The following VLDLR variants were observed in gnomAD, a reference collection of about 807,000 sequenced individuals.
The protein encoded by VLDLR is very low-density lipoprotein receptor.
Under a neutral mutation model 112.7 loss-of-function variants are expected in VLDLR, and 81 were observed. The ratio of observed to expected loss-of-function variants is 0.72; its 90% CI spans 0.60 to 0.86. The LOEUF is 0.86. Ranked by LOEUF, VLDLR falls within the 40% of genes least tolerant of loss-of-function variation. VLDLR has a pLI of 0.00. For missense variants in VLDLR, 1,237 were observed against 1,099.4 expected, an observed-to-expected ratio of 1.13 and a Z score of -1.77; for synonymous variants, 436 against 384.8, an observed-to-expected ratio of 1.13 and a Z score of -1.56.
chr9:2,648,152 A>G (rs1428468178), intron 12 of VLDLR, 56 bp from the exon 13 acceptor site: 74 of 1,607,946 alleles, frequency 4.6e-5, no homozygotes, highest in Non-Finnish European at 6.0e-5. Context: ...GATATTTTTA[A>G]TGGAAGCCAG....
intron 1 of VLDLR, among the ~76,000 whole-genome samples, chr9:2,624,923 T>C (rs1057340619): frequency 6.6e-6 from 1 of 152,226 alleles, no homozygotes; most frequent in African/African-American, 2.4e-5. Context: ...TTATGTGGCA[T>C]TTACCTATAG....
chr9:2,644,310 C>A (rs561921361), intron 7 of VLDLR, among the ~76,000 whole-genome samples: 1 of 147,922 alleles, frequency 6.8e-6, no homozygotes, highest in Non-Finnish European at 1.5e-5. Context: ...AGGCGCCCAC[C>A]ACCACGCCCG....
intron 4 of VLDLR, among the ~76,000 whole-genome samples, chr9:2,642,913 CAAATT>C (rs1817888075): frequency 1.3e-5 from 2 of 152,206 alleles, no homozygotes; most frequent in Non-Finnish European, 2.9e-5. Flanking sequence ...GTTCTCATCT[CAAATT>C]AATTTCCAGT....
At position 2,637,950 on chromosome 9, in the gene VLDLR, T is replaced by A. The variant is rs555095281; in HGVS notation, c.203-1909T>A. On this transcript the variant is annotated intron_variant, in intron 2 of 18. Coordinates refer to ENST00000382100, the MANE Select transcript of VLDLR (RefSeq NM_003383.5). ...AGAGCGAGACTCCATCTCAAAAAAA[T>A]AAATAAAAATAAATAAAAAATCAAT... is the stretch of plus-strand genomic sequence containing the variant. Among the ~76,000 whole-genome samples the A allele has an allele frequency of 2.7e-3, 384 of 144,680 alleles. 2 individuals carry two copies. Among genetic ancestry groups the A allele is most frequent in the African/African-American group, 0.01 (350 of 34,752 alleles). The allele number at this position is 144,680 out of a possible 152,430, so 94.9% of individuals were successfully genotyped here. A position where few individuals can be genotyped will look rare whatever the true frequency, so the allele number is the denominator to read the frequency against.
In VLDLR at chr9:2,657,567, T is replaced by TAA. The variant is rs1458654763; in HGVS notation, c.*3700_*3701dup. 4 of 152,250 alleles carry TAA rather than the reference T, an allele frequency of 2.6e-5. No homozygotes were observed. In the East Asian group the frequency reaches 5.8e-4, roughly 22 times the overall value. 9.4% of individuals were successfully genotyped at this position (152,250 alleles called of 1,614,324 possible). On this transcript the variant is annotated 3_prime_UTR_variant, in exon 19 of 19. Transcript: ENST00000382100. ...GCGGTGCCTAAAAACCACATATATA[T>TAA]AATCCCCTGGGTATTACATATTCTG...
At chr9:2,642,370 A>T (rs1372928242) in intron 4 of VLDLR, among the ~76,000 whole-genome samples, 1 of 152,174 alleles carries the variant, frequency 6.6e-6, no homozygotes, top group African/African-American at 2.4e-5. Flanking sequence ...ATACCACTGC[A>T]CCTAGTCCAA....
At chr9:2,633,996 A>T (rs1423331028) in intron 1 of VLDLR, among the ~76,000 whole-genome samples, 2 of 152,188 alleles carry the variant, frequency 1.3e-5, no homozygotes, top group African/African-American at 4.8e-5. Context: ...AACGTGAAGA[A>T]TGAAAAAGTA....
chr9:2,629,089 G>A (rs1034405726), intron 1 of VLDLR, among the ~76,000 whole-genome samples: 1 of 152,220 alleles, frequency 6.6e-6, no homozygotes. Context: ...TGTCAACATT[G>A]ACTCATTAGA....
rs749428654 is a variant in VLDLR at position 2,647,458 on chromosome 9, A to G, written c.1704-16A>G. 2 of 1,607,718 alleles carry G rather than the reference A, an allele frequency of 1.2e-6. No individual in the cohort carries two copies. Among genetic ancestry groups the G allele is most frequent in the East Asian group, 2.2e-5 (1 of 44,838 alleles). ...TCTAAACCACTGAGGCTTATTTCTC[A>G]TTTAATTTTTCACAGCTTTGTTTAC... On this transcript the variant is annotated splice_polypyrimidine_tract_variant and intron_variant, in intron 11 of 18. Coordinates refer to ENST00000382100, the MANE Select transcript of VLDLR (RefSeq NM_003383.5).
chr9:2,645,896 T>A, intron 10 of VLDLR, 151 bp downstream of exon 10: 2 of 834,962 alleles, frequency 2.4e-6, no homozygotes, highest in South Asian at 1.6e-5. Context: ...AATTCTTTAT[T>A]AAACTGTTAT....
At chr9:2,653,234 C>T (rs1818431980) in intron 18 of VLDLR, among the ~76,000 whole-genome samples, 1 of 152,150 alleles carries the variant, frequency 6.6e-6, no homozygotes, top group African/African-American at 2.4e-5. Flanking sequence ...CCAAGTAGCT[C>T]ATTACTGAAC....
Position 2,654,128 on chromosome 9 carries a change from G to A in VLDLR, c.*260G>A. The A allele has an allele frequency of 2.1e-6, 1 of 486,266 alleles. No individual in the cohort carries two copies. The highest frequency in any genetic ancestry group is 3.8e-6 in the Non-Finnish European group (1 of 265,974). 30.1% of individuals were successfully genotyped at this position (486,266 alleles called of 1,614,324 possible). On this transcript the variant is annotated 3_prime_UTR_variant, in exon 19 of 19. Coordinates refer to ENST00000382100, the MANE Select transcript of VLDLR (RefSeq NM_003383.5). ...TTTCTAGACAGTATTGCCACCTCTG[G>A]CCAAATATGCACTTTCCCTAGAAAG...
chr9:2,638,294 T>C (rs987526559), intron 2 of VLDLR, among the ~76,000 whole-genome samples: 1 of 152,178 alleles, frequency 6.6e-6, no homozygotes, highest in South Asian at 2.1e-4. Context: ...AGAAATTAAC[T>C]GTAATCACTG....
chr9:2,626,884 A>T (rs1188251511), intron 1 of VLDLR, among the ~76,000 whole-genome samples: 1 of 152,230 alleles, frequency 6.6e-6, no homozygotes, highest in Non-Finnish European at 1.5e-5. Context: ...GACTGCCTCT[A>T]ATCTTTCATT....
chr9:2,642,292 T>C (rs1265329478), intron 4 of VLDLR, among the ~76,000 whole-genome samples: 2 of 152,280 alleles, frequency 1.3e-5, no homozygotes, highest in Middle Eastern at 3.4e-3. Context: ...ATGGTAGTAG[T>C]CAAGGGAGCT....
intron 4 of VLDLR, among the ~76,000 whole-genome samples, chr9:2,642,155 G>C (rs1263640085): frequency 6.6e-6 from 1 of 152,260 alleles, no homozygotes; most frequent in Non-Finnish European, 1.5e-5. Context: ...GCATGTTGAA[G>C]GTGAGGGCCT....
intron 2 of VLDLR, among the ~76,000 whole-genome samples, chr9:2,635,951 G>GA (rs5895989): frequency 0.33 from 50,417 of 152,034 alleles, 9,218 homozygotes; most frequent in East Asian, 0.69. Flanking sequence ...ATGGACATGA[G>GA]AAAATCCCAT....
chr9:2,631,374 C>T (rs999459107), intron 1 of VLDLR, among the ~76,000 whole-genome samples: 1 of 152,152 alleles, frequency 6.6e-6, no homozygotes, highest in African/African-American at 2.4e-5. Flanking sequence ...ATGTTTATTG[C>T]AGCACTATTC....
At chr9:2,624,346 A>T (rs1426358746) in intron 1 of VLDLR, among the ~76,000 whole-genome samples, 2 of 152,302 alleles carry the variant, frequency 1.3e-5, no homozygotes, top group East Asian at 3.9e-4. Context: ...ATGTGGGCTG[A>T]CTTTCTACCC....
Sources: allele counts gnomAD v4.1 joint callset (sites outside exome capture counted in the v4.1 genomes callset), GRCh38; gene constraint gnomAD v4.1.1; transcripts MANE v1.5; gene names NCBI Gene and HGNC (gene_info 2026-07-23, HGNC 2026-07-21).